Variants in GALNTL6 observed in about 807,000 individuals in gnomAD.
GALNTL6 encodes the protein polypeptide N-acetylgalactosaminyltransferase-like 6.
A neutral mutation model predicts 73.7 loss-of-function variants in GALNTL6; 46 were observed. The observed-to-expected ratio is 0.62, with a 90% confidence interval of 0.49 to 0.80. The LOEUF (loss-of-function observed/expected upper bound fraction) is 0.80. Among genes scored for constraint, GALNTL6 ranks in the 30% least tolerant of loss-of-function variants. The pLI, the probability that GALNTL6 is intolerant of heterozygous loss-of-function variation, is 0.00. For synonymous variants in GALNTL6, 259 were observed against 263.7 expected, an observed-to-expected ratio of 0.98 and a Z score of 0.17; for missense variants, 604 against 755.0, an observed-to-expected ratio of 0.80 and a Z score of 2.34.
chr4:172,490,575 C>T (rs1056948960), intron 5 of GALNTL6, among the ~76,000 whole-genome samples: 7 of 152,086 alleles, frequency 4.6e-5, no homozygotes, highest in Admixed American at 2.6e-4. Flanking sequence ...GATGCTCATG[C>T]TACTCTATCT....
At chr4:172,747,693 A>G (rs966173362) in intron 5 of GALNTL6, among the ~76,000 whole-genome samples, 3 of 152,172 alleles carry the variant, frequency 2.0e-5, no homozygotes, top group Non-Finnish European at 4.4e-5. Flanking sequence ...TGAAATCAGT[A>G]TGGGAAAGAG....
At chr4:172,960,425 G>A (rs997554675) in intron 10 of GALNTL6, among the ~76,000 whole-genome samples, 13 of 152,228 alleles carry the variant, frequency 8.5e-5, no homozygotes, top group African/African-American at 3.1e-4. Flanking sequence ...GGGGAGCAGA[G>A]GCTAAGGAAG....
chr4:172,124,848 G>C (rs935926009), intron 2 of GALNTL6, among the ~76,000 whole-genome samples: 2 of 152,006 alleles, frequency 1.3e-5, no homozygotes, highest in Admixed American at 1.3e-4. Flanking sequence ...TTGAGCAAGG[G>C]AATACATGGC....
rs535154465 is a variant in GALNTL6 at position 172,856,201 on chromosome 4, C to T, written c.924-26589C>T. On this transcript the variant is annotated intron_variant, in intron 7 of 12. Coordinates refer to ENST00000506823, the MANE Select transcript of GALNTL6 (RefSeq NM_001034845.3). Reference sequence around the variant, plus strand: ...TGATTTACTATTCTTCTTCTGACAACTTGAAGATTCCTGACATTATCTTTA... The same window carrying T: ...TGATTTACTATTCTTCTTCTGACAATTTGAAGATTCCTGACATTATCTTTA... Among the ~76,000 whole-genome samples, 3 of 152,302 alleles carry T rather than the reference C, an allele frequency of 2.0e-5. No homozygotes were observed. The South Asian group carries it at 6.2e-4, about 32-fold the overall frequency.
At chr4:172,588,437 T>C (rs1042386848) in intron 5 of GALNTL6, among the ~76,000 whole-genome samples, 1 of 149,470 alleles carries the variant, frequency 6.7e-6, no homozygotes. Context: ...CAGCAAAAAA[T>C]ACAAAACTTA....
chr4:172,305,458 A>T (rs1415449505), intron 3 of GALNTL6, among the ~76,000 whole-genome samples: 1 of 152,148 alleles, frequency 6.6e-6, no homozygotes, highest in Non-Finnish European at 1.5e-5. Context: ...TTAAAGAAAG[A>T]TGCTGTATTG....
intron 5 of GALNTL6, among the ~76,000 whole-genome samples, chr4:172,729,761 T>C (rs1462587360): frequency 6.6e-6 from 1 of 152,220 alleles, no homozygotes; most frequent in Non-Finnish European, 1.5e-5. Context: ...TTTCTATTTC[T>C]GTGCAGAATG....
At chr4:172,699,891 A>G (rs1032995549) in intron 5 of GALNTL6, among the ~76,000 whole-genome samples, 3 of 152,184 alleles carry the variant, frequency 2.0e-5, no homozygotes, top group South Asian at 2.1e-4. Flanking sequence ...CCAAATATCA[A>G]TAAAGAAGCA....
intron 5 of GALNTL6, among the ~76,000 whole-genome samples, chr4:172,724,266 T>G (rs1735666557): frequency 6.6e-6 from 1 of 152,214 alleles, no homozygotes; most frequent in Non-Finnish European, 1.5e-5. Context: ...AGTCCTTTAT[T>G]TCAAGCCATT....
intron 2 of GALNTL6, among the ~76,000 whole-genome samples, chr4:172,012,181 G>T (rs1240431324): frequency 6.6e-6 from 1 of 152,064 alleles, no homozygotes; most frequent in Non-Finnish European, 1.5e-5. Context: ...GTAGGGACTT[G>T]CTCCTTTGTC....
At chr4:172,574,106 C>A (rs1736868807) in intron 5 of GALNTL6, among the ~76,000 whole-genome samples, 1 of 152,088 alleles carries the variant, frequency 6.6e-6, no homozygotes, top group African/African-American at 2.4e-5. Flanking sequence ...GTAATTGTTT[C>A]CTGTTTCGAT....
At chr4:172,567,783 C>T (rs1189985640) in intron 5 of GALNTL6, among the ~76,000 whole-genome samples, 1 of 152,078 alleles carries the variant, frequency 6.6e-6, no homozygotes, top group South Asian at 2.1e-4. Context: ...TTGCAGTAAG[C>T]CAAGATAGTG....
rs576621362 is a variant in GALNTL6, at chr4:172,132,382, G to T, written c.139-97274G>T. Among the ~76,000 whole-genome samples, 25 of 152,052 alleles carry T rather than the reference G, an allele frequency of 1.6e-4. No homozygotes were observed. In the East Asian group the frequency reaches 3.3e-3, roughly 20 times the overall value. ...TCCAATGTGATTTAGATGACATTTT[G>T]TTTCTATCACCAAAAAATCATCTTT... is the stretch of plus-strand genomic sequence containing the variant. On this transcript the variant is annotated intron_variant, in intron 2 of 12. Transcript: ENST00000506823.
intron 4 of GALNTL6, among the ~76,000 whole-genome samples, chr4:172,339,067 G>A (rs1741448256): frequency 6.6e-6 from 1 of 152,114 alleles, no homozygotes; most frequent in East Asian, 1.9e-4. Flanking sequence ...ATCTGCCTGG[G>A]CATAAAACAG....
intron 5 of GALNTL6, among the ~76,000 whole-genome samples, chr4:172,375,692 G>A (rs1052865218): frequency 3.3e-5 from 5 of 152,168 alleles, no homozygotes; most frequent in Admixed American, 3.3e-4. Flanking sequence ...ACCACAAAGA[G>A]AACCAAGGAA....
At chr4:171,955,236 T>G (rs1017073728) in intron 2 of GALNTL6, among the ~76,000 whole-genome samples, 15 of 152,266 alleles carry the variant, frequency 9.9e-5, no homozygotes, top group Admixed American at 8.5e-4. Context: ...AAAGAAACTT[T>G]CTTTGGTCTC....
At chr4:172,620,320 T>C (rs1024456637) in intron 5 of GALNTL6, among the ~76,000 whole-genome samples, 1 of 152,202 alleles carries the variant, frequency 6.6e-6, no homozygotes, top group Non-Finnish European at 1.5e-5. Flanking sequence ...AAGAATTTAT[T>C]TAAACAGGTC....
chr4:172,832,820 C>T (rs576044587), intron 7 of GALNTL6, among the ~76,000 whole-genome samples: 5 of 152,202 alleles, frequency 3.3e-5, no homozygotes, highest in Non-Finnish European at 5.9e-5. Flanking sequence ...CTTCATCCTC[C>T]CAGGCCTTGG....
intron 10 of GALNTL6, among the ~76,000 whole-genome samples, chr4:172,971,956 G>T (rs1209993724): frequency 6.6e-6 from 1 of 151,958 alleles, no homozygotes; most frequent in African/African-American, 2.4e-5. Flanking sequence ...AAGTCAAAAT[G>T]ATAAAGAAAC....
Sources: allele counts gnomAD v4.1 joint callset (sites outside exome capture counted in the v4.1 genomes callset), GRCh38; gene constraint gnomAD v4.1.1; transcripts MANE v1.5; gene names NCBI Gene and HGNC (gene_info 2026-07-23, HGNC 2026-07-21).